The following ROBO1 variants were observed in gnomAD, a reference collection of about 807,000 sequenced individuals.
ROBO1 encodes the protein roundabout homolog 1.
ROBO1 carries 149 observed loss-of-function variants against 195.9 expected under a neutral mutation model. The observed-to-expected ratio is 0.76, with a 90% CI of 0.67 to 0.87. The LOEUF is 0.87. Among genes scored for constraint, ROBO1 ranks in the 40% least tolerant of loss-of-function variants. ROBO1 has a pLI of 0.00. For synonymous variants in ROBO1, 816 were observed against 733.2 expected, an observed-to-expected ratio of 1.11 and a Z score of -1.82; for missense variants, 1,933 against 2,068.3, an observed-to-expected ratio of 0.93 and a Z score of 1.27.
intron 9 of ROBO1, among the ~76,000 whole-genome samples, chr3:78,688,024 G>A (rs1279004850): frequency 6.6e-6 from 1 of 152,136 alleles, no homozygotes; most frequent in African/African-American, 2.4e-5. Context: ...TTAAACTGAA[G>A]TCCAATAATG....
chr3:79,327,590 AAT>A (rs146378505), intron 2 of ROBO1, among the ~76,000 whole-genome samples: 1 of 151,030 alleles, frequency 6.6e-6, no homozygotes, highest in Non-Finnish European at 1.5e-5. Flanking sequence ...ATAAAATTTA[AAT>A]ATATATATAT....
At chr3:79,169,387 G>T (rs547164012) in intron 2 of ROBO1, among the ~76,000 whole-genome samples, 1 of 151,892 alleles carries the variant, frequency 6.6e-6, no homozygotes, top group Non-Finnish European at 1.5e-5. Context: ...ATAATTACTT[G>T]TTGAGATTAT....
chr3:79,019,486 G>A (rs1437807868), intron 3 of ROBO1: 2 of 986,116 alleles, frequency 2.0e-6, no homozygotes, highest in African/African-American at 1.7e-5. Context: ...CACAGTCCCC[G>A]CGGCTCCCAG....
chr3:79,479,925 C>T (rs1041032138), intron 2 of ROBO1, among the ~76,000 whole-genome samples: 5 of 152,144 alleles, frequency 3.3e-5, no homozygotes, highest in Non-Finnish European at 7.4e-5. Flanking sequence ...CATGGAAGTT[C>T]GCATTCCCTA....
In ROBO1 at chr3:79,647,566, A is replaced by AAATGGGAGGAGG. The variant is rs71130607; in HGVS notation, c.-50-57606_-50-57605insCCTCCTCCCATT. Among the ~76,000 whole-genome samples the AAATGGGAGGAGG allele has an allele frequency of 2.5e-3, 381 of 151,500 alleles. 1 individual carries two copies. The highest frequency in any genetic ancestry group is 8.8e-3 in the African/African-American group (363 of 41,282). ...AGTACGGAGACATTTTGGTTGACACATGTACTATCGGCATCTTGTAAGTAG... is the reference window on the plus strand; with the variant it reads ...AGTACGGAGACATTTTGGTTGACACAAATGGGAGGAGGTGTACTATCGGCATCTTGTAAGTAG... On this transcript the variant is annotated intron_variant, in intron 1 of 30. Transcript: ENST00000464233.
intron 4 of ROBO1, among the ~76,000 whole-genome samples, chr3:78,909,247 G>GA (rs947086652): frequency 1.3e-4 from 20 of 149,234 alleles, no homozygotes; most frequent in Non-Finnish European, 2.5e-4. Flanking sequence ...TCTTTAAACA[G>GA]AAAAAAAAAT....
chr3:78,720,823 T>G (rs1433848899), intron 5 of ROBO1, among the ~76,000 whole-genome samples: 1 of 152,020 alleles, frequency 6.6e-6, no homozygotes, highest in Non-Finnish European at 1.5e-5. Context: ...AAACCATCAT[T>G]CTCAGCAAAG....
rs1945918779 is a variant in ROBO1, at chr3:79,648,994, A to AT, written c.-50-59034dup. ...ACACATGAAGATATTTTCAAACAAC[A>AT]TTTTTTAAGTGTAGCTTGCTAAAAA... On this transcript the variant is annotated intron_variant, in intron 1 of 30. Coordinates refer to ENST00000464233, the MANE Select transcript of ROBO1 (RefSeq NM_002941.4). Among the ~76,000 whole-genome samples the AT allele has an allele frequency of 2.0e-5, 3 of 152,080 alleles. No homozygotes were observed. The South Asian group carries it at 6.2e-4, about 31-fold the overall frequency.
chr3:79,217,989 T>C (rs1344777575), intron 2 of ROBO1, among the ~76,000 whole-genome samples: 1 of 151,856 alleles, frequency 6.6e-6, no homozygotes, highest in Admixed American at 6.6e-5. Context: ...ACACAGGAGA[T>C]AGACATAAAA....
chr3:79,396,697 A>G (rs774473575), intron 2 of ROBO1, among the ~76,000 whole-genome samples: 1 of 152,154 alleles, frequency 6.6e-6, no homozygotes, highest in Non-Finnish European at 1.5e-5. Flanking sequence ...TGTAAATGTT[A>G]GCTGAGTACA....
intron 3 of ROBO1, among the ~76,000 whole-genome samples, chr3:79,060,160 A>G (rs556554982): frequency 1.1e-4 from 17 of 152,092 alleles, no homozygotes; most frequent in Middle Eastern, 3.4e-3. Context: ...GCTAGGATTG[A>G]GAAATTCCAG....
intron 2 of ROBO1, among the ~76,000 whole-genome samples, chr3:79,328,931 A>G (rs1402702162): frequency 2.0e-5 from 3 of 152,122 alleles, no homozygotes; most frequent in African/African-American, 7.2e-5. Context: ...AACTTAGAAT[A>G]ATGGTTTTCA....
chr3:79,571,453 TC>T (rs1487184359), intron 2 of ROBO1, among the ~76,000 whole-genome samples: 1 of 151,908 alleles, frequency 6.6e-6, no homozygotes, highest in Non-Finnish European at 1.5e-5. Context: ...CCTTTTAAAC[TC>T]AAAGGGGGGA....
intron 4 of ROBO1, among the ~76,000 whole-genome samples, chr3:78,851,061 C>G (rs1441915033): frequency 2.0e-5 from 3 of 152,100 alleles, no homozygotes; most frequent in Non-Finnish European, 4.4e-5. Context: ...CCCACCACCT[C>G]GGCCTCCCAA....
At chr3:79,448,753 G>A (rs750628241) in intron 2 of ROBO1, among the ~76,000 whole-genome samples, 4 of 152,134 alleles carry the variant, frequency 2.6e-5, no homozygotes, top group African/African-American at 7.2e-5. Context: ...ATATAATTAA[G>A]TTAAAATGGA....
At chr3:79,085,489 T>C (rs1023540689) in intron 3 of ROBO1, among the ~76,000 whole-genome samples, 1 of 152,150 alleles carries the variant, frequency 6.6e-6, no homozygotes, top group African/African-American at 2.4e-5. Flanking sequence ...AAAGGGCGGA[T>C]AGGCAAGGTT....
At chr3:78,793,519 G>T (rs2084088108) in intron 4 of ROBO1, among the ~76,000 whole-genome samples, 1 of 152,330 alleles carries the variant, frequency 6.6e-6, no homozygotes, top group East Asian at 1.9e-4. Flanking sequence ...TGTGCTAAAT[G>T]TGGGTCTAAT....
chr3:78,960,351 T>C (rs947428576), intron 3 of ROBO1, among the ~76,000 whole-genome samples: 15 of 149,378 alleles, frequency 1.0e-4, no homozygotes, highest in African/African-American at 3.2e-4. Flanking sequence ...GCAATATATA[T>C]TTTATAATAT....
chr3:78,646,608 G>A (rs1453627338), intron 20 of ROBO1, among the ~76,000 whole-genome samples: 14 of 146,200 alleles, frequency 9.6e-5, no homozygotes, highest in Non-Finnish European at 7.5e-5. Context: ...TTAAACTCAG[G>A]AAAAAAAAAA....
Sources: allele counts gnomAD v4.1 joint callset (sites outside exome capture counted in the v4.1 genomes callset), GRCh38; gene constraint gnomAD v4.1.1; transcripts MANE v1.5; gene names NCBI Gene and HGNC (gene_info 2026-07-23, HGNC 2026-07-21).